PTCHD4: variants seen among roughly 807,000 people sequenced by gnomAD.
PTCHD4 encodes patched domain-containing protein 4.
In PTCHD4, 33 loss-of-function variants were observed where a neutral mutation model predicts 58.1. The ratio of observed to expected loss-of-function variants is 0.57; its 90% CI spans 0.43 to 0.76. The LOEUF is 0.76. Ranked by LOEUF, PTCHD4 falls within the 30% of genes least tolerant of loss-of-function variation. The probability of loss-of-function intolerance (pLI) is 0.00; values close to 1 mark genes in which losing one functional copy is unlikely to be tolerated. For missense variants in PTCHD4, 1,058 were observed against 1,027.1 expected (o/e 1.03, Z -0.41); for synonymous variants, 478 against 409.6 (o/e 1.17, Z -2.02).
At chr6:48,031,625 G>A (rs1763445160) in intron 3 of PTCHD4, among the ~76,000 whole-genome samples, 1 of 152,022 alleles carries the variant, frequency 6.6e-6, no homozygotes, top group Admixed American at 6.6e-5. Flanking sequence ...ATGGGAATAG[G>A]GAAAACACAT....
rs1298681006 is a variant in PTCHD4, at chr6:47,858,626, T to C, written c.*19677A>G. On this transcript the variant is annotated 3_prime_UTR_variant, in exon 5 of 5. Transcript: ENST00000339488. ...TGGAGAGATTCTAATAAGGATAAAC[T>C]AAGGCATAAAACAAAGAGCAATAAG... is the stretch of plus-strand genomic sequence containing the variant. 6.6e-6 allele frequency among the ~76,000 whole-genome samples: 1 copy of C among 151,950 alleles called. No homozygotes were observed. Among genetic ancestry groups the C allele is most frequent in the African/African-American group, 2.4e-5 (1 of 41,422 alleles).
chr6:47,856,814 C>T lies in PTCHD4; in HGVS notation c.*21489G>A, dbSNP rs533437257. Among the ~76,000 whole-genome samples, 37 of 152,086 alleles carry T rather than the reference C, an allele frequency of 2.4e-4. No homozygotes were observed. The highest frequency in any genetic ancestry group is 7.7e-4 in the African/African-American group (32 of 41,512). On this transcript the variant is annotated 3_prime_UTR_variant, in exon 5 of 5. Coordinates refer to ENST00000339488, the MANE Select transcript of PTCHD4 (RefSeq NM_001384253.1). ...ATAAAAAAGTTAAAATAATTAACAG[C>T]ATTCATCAGATTAATTTTGTTTTCA... is the stretch of plus-strand genomic sequence containing the variant.
chr6:47,946,774 T>C (rs1221198566), intron 4 of PTCHD4, among the ~76,000 whole-genome samples: 1 of 152,154 alleles, frequency 6.6e-6, no homozygotes, highest in East Asian at 1.9e-4. Flanking sequence ...CTTTGTTTGG[T>C]ACTGAGTTTT....
intron 3 of PTCHD4, among the ~76,000 whole-genome samples, chr6:48,012,571 CT>C (rs895458079): frequency 1.3e-5 from 2 of 151,990 alleles, no homozygotes; most frequent in Non-Finnish European, 2.9e-5. Context: ...TTATTTCTTT[CT>C]CTTTCCTGAT....
At chr6:48,101,978 G>T (rs1456606244) in intron 1 of PTCHD4, among the ~76,000 whole-genome samples, 1 of 152,146 alleles carries the variant, frequency 6.6e-6, no homozygotes, top group Non-Finnish European at 1.5e-5. Context: ...TGGAAGAACA[G>T]CTTCCCACCA....
intron 3 of PTCHD4, among the ~76,000 whole-genome samples, chr6:48,060,719 C>T (rs1764596128): frequency 6.6e-6 from 1 of 152,202 alleles, no homozygotes; most frequent in African/African-American, 2.4e-5. Context: ...AAACGATCCA[C>T]CCACCTCAGC....
In PTCHD4 at chr6:48,035,546, T is replaced by C. The variant is rs374383537; in HGVS notation, c.418-26432A>G. 2.6e-5 allele frequency among the ~76,000 whole-genome samples: 4 copies of C among 152,306 alleles called. No individual in the cohort carries two copies. In the East Asian group the frequency reaches 7.7e-4, roughly 29 times the overall value. Reference sequence around the variant, plus strand: ...CAGTTGAGTCTGTTCTGACAAAGATTCTCTCCTTGAAGAAACTCTACTCAA... The same window carrying C: ...CAGTTGAGTCTGTTCTGACAAAGATCCTCTCCTTGAAGAAACTCTACTCAA... On this transcript the variant is annotated intron_variant, in intron 3 of 4. Transcript: ENST00000339488.
rs558875451 is a variant in PTCHD4 at position 47,876,016 on chromosome 6, A to G, written c.*2287T>C. Among the ~76,000 whole-genome samples, 94 of 151,816 alleles carry G rather than the reference A, an allele frequency of 6.2e-4. No individual in the cohort carries two copies. The highest frequency in any genetic ancestry group is 1.1e-3 in the Non-Finnish European group (78 of 67,830). On this transcript the variant is annotated 3_prime_UTR_variant, in exon 5 of 5. Coordinates refer to ENST00000339488, the MANE Select transcript of PTCHD4 (RefSeq NM_001384253.1). ...GGGAGATAAAAATCTTCCATATCAAATCTTTACAAATGATGGGTAATCTGT... is the reference window on the plus strand; with the variant it reads ...GGGAGATAAAAATCTTCCATATCAAGTCTTTACAAATGATGGGTAATCTGT...
At chr6:48,047,537 C>T (rs1764078139) in intron 3 of PTCHD4, among the ~76,000 whole-genome samples, 1 of 151,668 alleles carries the variant, frequency 6.6e-6, no homozygotes, top group Non-Finnish European at 1.5e-5. Flanking sequence ...CATGAGAGCC[C>T]CATAATCAAT....
At chr6:47,956,697 C>T (rs576656089) in intron 4 of PTCHD4, among the ~76,000 whole-genome samples, 6 of 151,920 alleles carry the variant, frequency 3.9e-5, no homozygotes, top group East Asian at 3.9e-4. Context: ...CCTCCTAAAG[C>T]GCTGAGATTA....
intron 1 of PTCHD4, among the ~76,000 whole-genome samples, chr6:48,098,774 A>T (rs994220187): frequency 6.6e-6 from 1 of 152,242 alleles, no homozygotes; most frequent in African/African-American, 2.4e-5. Flanking sequence ...TTAACTCCAG[A>T]GATGTCCCCA....
rs1436569061 is a variant in PTCHD4 at position 48,103,363 on chromosome 6, TA to T, written c.-970+7685del. On this transcript the variant is annotated intron_variant, in intron 1 of 4. Coordinates refer to ENST00000339488, the MANE Select transcript of PTCHD4 (RefSeq NM_001384253.1). ...AACAGGGTCTGCAGTGGACCTCCAG[TA>T]AACTCCAACAGACCTGCAGCTGAGG... Among the ~76,000 whole-genome samples the T allele has an allele frequency of 2.6e-5, 4 of 152,228 alleles. No individual in the cohort carries two copies. The East Asian group carries it at 7.7e-4, about 29-fold the overall frequency.
intron 1 of PTCHD4, among the ~76,000 whole-genome samples, chr6:48,104,754 A>G (rs980568509): frequency 6.6e-6 from 1 of 152,204 alleles, no homozygotes; most frequent in African/African-American, 2.4e-5. Context: ...GGAATGGAGT[A>G]AGATCTACCA....
chr6:48,073,905 G>A (rs1009181153), intron 1 of PTCHD4, among the ~76,000 whole-genome samples: 3 of 152,168 alleles, frequency 2.0e-5, no homozygotes, highest in African/African-American at 7.2e-5. Flanking sequence ...TGAGCTTGAT[G>A]ATCAGGCAGC....
chr6:47,982,369 T>C (rs892846927), intron 4 of PTCHD4, among the ~76,000 whole-genome samples: 4 of 152,174 alleles, frequency 2.6e-5, no homozygotes, highest in Non-Finnish European at 5.9e-5. Flanking sequence ...GTGCTTAATA[T>C]TTTATCTCTG....
chr6:47,996,995 G>A (rs968009648), intron 4 of PTCHD4, among the ~76,000 whole-genome samples: 4 of 152,172 alleles, frequency 2.6e-5, no homozygotes, highest in South Asian at 2.1e-4. Context: ...TATTTGCCCC[G>A]CATTGTGGCA....
At chr6:48,011,672 C>T (rs982522879) in intron 3 of PTCHD4, among the ~76,000 whole-genome samples, 3 of 152,076 alleles carry the variant, frequency 2.0e-5, no homozygotes, top group Non-Finnish European at 4.4e-5. Flanking sequence ...AATGGTATTG[C>T]CTAGGTTTTC....
intron 1 of PTCHD4, among the ~76,000 whole-genome samples, chr6:48,074,805 G>A (rs1170247905): frequency 6.6e-6 from 1 of 152,164 alleles, no homozygotes; most frequent in Non-Finnish European, 1.5e-5. Flanking sequence ...ATTTGCTTCT[G>A]GAGACTGCTT....
In PTCHD4 at chr6:47,856,916, T is replaced by A. The variant is rs944630844; in HGVS notation, c.*21387A>T. Among the ~76,000 whole-genome samples the A allele has an allele frequency of 1.3e-5, 2 of 152,032 alleles. No homozygotes were observed. The highest frequency in any genetic ancestry group is 2.9e-5 in the Non-Finnish European group (2 of 67,982). ...CATATATGTTTGTAATAGCTTTTCA[T>A]AATGGGAAGGGACAATATTCATATT... is the stretch of plus-strand genomic sequence containing the variant. On this transcript the variant is annotated 3_prime_UTR_variant, in exon 5 of 5. Transcript: ENST00000339488.
Sources: gnomAD v4.1 joint callset for allele counts (sites outside exome capture counted in the v4.1 genomes callset) on GRCh38, gnomAD v4.1.1 for gene constraint, MANE v1.5 for transcripts, NCBI Gene and HGNC (gene_info 2026-07-23, HGNC 2026-07-21) for gene names.